S100PBP: variants seen among roughly 807,000 people sequenced by gnomAD.
S100PBP encodes the protein S100P binding protein, also known as S100P-binding protein.
In S100PBP, 15 loss-of-function variants were observed where a neutral mutation model predicts 39.9. That is an observed-to-expected ratio of 0.38 (90% CI 0.25 to 0.58). The LOEUF is 0.58. S100PBP is among the 20% of genes least tolerant of loss of function. The pLI, the probability that S100PBP is intolerant of heterozygous loss-of-function variation, is 0.70. For missense variants in S100PBP, 504 were observed against 487.3 expected (o/e 1.03, Z -0.32); for synonymous variants, 178 against 180.3 (o/e 0.99, Z 0.10).
intron 5 of S100PBP, among the ~76,000 whole-genome samples, chr1:32,842,219 A>G (rs866640215): frequency 5.9e-5 from 4 of 67,400 alleles, no homozygotes; most frequent in Non-Finnish European, 7.9e-5. Context: ...ATATATATAT[A>G]TGTATATATA....
chr1:32,837,982 A>C (rs1313274859), intron 5 of S100PBP, among the ~76,000 whole-genome samples: 1 of 152,056 alleles, frequency 6.6e-6, no homozygotes, highest in Non-Finnish European at 1.5e-5. Flanking sequence ...ATATGCTTTT[A>C]TTTTTCTTAA....
intron 5 of S100PBP, chr1:32,834,042 C>A: frequency 3.0e-6 from 1 of 336,606 alleles, no homozygotes; most frequent in South Asian, 2.7e-5. Flanking sequence ...AGGATGAATC[C>A]CTAGAAGTGG....
intron 5 of S100PBP, chr1:32,833,986 TG>T: frequency 3.6e-6 from 1 of 281,456 alleles, no homozygotes; most frequent in Non-Finnish European, 7.6e-6. Flanking sequence ...AATGCTGCAG[TG>T]AACATTCTGG....
At chr1:32,845,418 G>A (rs1462036866) in intron 5 of S100PBP, among the ~76,000 whole-genome samples, 10 of 151,902 alleles carry the variant, frequency 6.6e-5, no homozygotes, top group African/African-American at 1.7e-4. Context: ...CCTAGGTGAC[G>A]GAGTGAGACC....
At chr1:32,828,377 G>T (rs1639434708) in intron 4 of S100PBP, among the ~76,000 whole-genome samples, 1 of 152,066 alleles carries the variant, frequency 6.6e-6, no homozygotes. Context: ...CTTCTCCTGT[G>T]CATGGGGCAG....
At chr1:32,847,538 G>A (rs966532683) in intron 5 of S100PBP, 1 of 152,070 alleles carries the variant, frequency 6.6e-6, no homozygotes, top group Admixed American at 6.6e-5. Context: ...AACAGCAATG[G>A]TTATATAAAT....
At chr1:32,832,193 A>C (rs1461193686) in intron 5 of S100PBP, among the ~76,000 whole-genome samples, 4 of 152,264 alleles carry the variant, frequency 2.6e-5, no homozygotes, top group African/African-American at 9.6e-5. Flanking sequence ...ACGGGTATAA[A>C]GCATAGAACA....
At chr1:32,817,236 G>A (rs2148621071), upstream of S100PBP, 1 of 1,614,080 alleles carries the variant, frequency 6.2e-7, no homozygotes, top group Non-Finnish European at 8.5e-7. Context: ...GGCTGGGAGC[G>A]TCCCCCATGG....
rs1557522846 is a variant in S100PBP at position 32,858,467 on chromosome 1, T to C, written c.*2429T>C. 1 of 152,652 alleles carries C rather than the reference T, an allele frequency of 6.6e-6. No individual in the cohort carries two copies. The highest frequency in any genetic ancestry group is 2.4e-5 in the African/African-American group (1 of 41,464). 9.5% of individuals were successfully genotyped at this position (152,652 alleles called of 1,614,324 possible). A position where few individuals can be genotyped will look rare whatever the true frequency, so the allele number is the denominator to read the frequency against. ...GCCAAAGAAAACTCATTATCTGGCA[T>C]GTTCGCCTTAAAGATGGTACTGGGT... On this transcript the variant is annotated 3_prime_UTR_variant, in exon 7 of 7. Coordinates refer to ENST00000373475, the MANE Select transcript of S100PBP (RefSeq NM_022753.4).
chr1:32,853,092 G>A lies in S100PBP; in HGVS notation c.1038G>A (p.Glu346=). ...PEDTNQGISG[E]LCALMDQVHH... ...TCTGTATCACAGGTATCTCGGGGGA[G>A]CTTTGTGCCTTGATGGATCAAGTTC... Residue 346 remains glutamate (E), a synonymous_variant, in exon 6 of 7, where the codon GAG becomes GAA. Coordinates refer to ENST00000373475, the MANE Select transcript of S100PBP (RefSeq NM_022753.4). 1 of 1,612,824 alleles carries A rather than the reference G, an allele frequency of 6.2e-7. No homozygotes were observed. The highest frequency in any genetic ancestry group is 1.1e-5 in the South Asian group (1 of 91,006).
chr1:32,842,236 TACACACAC>T (rs1553132298), intron 5 of S100PBP, among the ~76,000 whole-genome samples: 4,684 of 80,762 alleles, frequency 0.058, 326 homozygotes, highest in African/African-American at 0.18. Flanking sequence ...TATATATATA[TACACACAC>T]ACACACACAC....
chr1:32,823,950 G>C (rs1639201558), intron 1 of S100PBP, among the ~76,000 whole-genome samples: 1 of 152,210 alleles, frequency 6.6e-6, no homozygotes, highest in Non-Finnish European at 1.5e-5. Context: ...TATAATCCCA[G>C]CACTTTGGGA....
chr1:32,841,384 T>C (rs945164693), intron 5 of S100PBP, among the ~76,000 whole-genome samples: 5 of 152,054 alleles, frequency 3.3e-5, no homozygotes, highest in African/African-American at 1.2e-4. Context: ...TTTATTTATT[T>C]TTCTTGGTAG....
chr1:32,832,930 C>T (rs1275213683), intron 5 of S100PBP, among the ~76,000 whole-genome samples: 1 of 151,732 alleles, frequency 6.6e-6, no homozygotes, highest in Non-Finnish European at 1.5e-5. Flanking sequence ...GTAAATCATC[C>T]TTCAACTCCA....
At chr1:32,845,996 T>A (rs2148682765) in intron 5 of S100PBP, among the ~76,000 whole-genome samples, 1 of 151,880 alleles carries the variant, frequency 6.6e-6, no homozygotes, top group East Asian at 1.9e-4. Flanking sequence ...ATTTATTTTT[T>A]TATTTTTTTT....
chr1:32,817,324 A>T, upstream of S100PBP: 1 of 1,569,170 alleles, frequency 6.4e-7, no homozygotes, highest in Non-Finnish European at 8.7e-7. Context: ...GCGTGCCGGG[A>T]ACTGTCACGC....
At chr1:32,840,460 A>G (rs970720773) in intron 5 of S100PBP, among the ~76,000 whole-genome samples, 3 of 151,868 alleles carry the variant, frequency 2.0e-5, no homozygotes, top group African/African-American at 7.3e-5. Context: ...GGTTCAAGCA[A>G]TTCTCCCTGC....
intron 5 of S100PBP, among the ~76,000 whole-genome samples, chr1:32,840,474 A>C (rs1468666272): frequency 6.6e-6 from 1 of 151,888 alleles, no homozygotes; most frequent in Non-Finnish European, 1.5e-5. Flanking sequence ...TCCCTGCCTC[A>C]GTCTCCCAAG....
intron 1 of S100PBP, chr1:32,818,775 T>G (rs1638888398): frequency 6.6e-6 from 1 of 152,252 alleles, no homozygotes; most frequent in Admixed American, 6.5e-5. Flanking sequence ...CAGTTCTTTT[T>G]GATTTTTTGT....
Sources: allele counts gnomAD v4.1 joint callset (sites outside exome capture counted in the v4.1 genomes callset), GRCh38; gene constraint gnomAD v4.1.1; transcripts MANE v1.5; gene names NCBI Gene and HGNC (gene_info 2026-07-23, HGNC 2026-07-21).